SLC30A8: variants seen among roughly 807,000 people sequenced by gnomAD.
The protein encoded by SLC30A8 is proton-coupled zinc antiporter SLC30A8.
Under a neutral mutation model 36.9 loss-of-function variants are expected in SLC30A8, and 27 were observed. The observed-to-expected ratio is 0.73, with a 90% CI of 0.54 to 1.01. SLC30A8 has a LOEUF of 1.01. Ranked by LOEUF, SLC30A8 falls within the 50% of genes least tolerant of loss-of-function variation. The pLI is 0.00. For missense variants in SLC30A8, 439 were observed against 452.0 expected (o/e 0.97, Z 0.26); for synonymous variants, 164 against 172.4 (o/e 0.95, Z 0.38).
At chr8:117,046,421 A>G (rs887815597) in intron 2 of SLC30A8, among the ~76,000 whole-genome samples, 1 of 152,246 alleles carries the variant, frequency 6.6e-6, no homozygotes, top group Non-Finnish European at 1.5e-5. Flanking sequence ...ATACAAGTTA[A>G]GCCCTCAGTA....
intron 1 of SLC30A8, among the ~76,000 whole-genome samples, chr8:117,032,891 T>TAA (rs1178864382): frequency 1.4e-5 from 2 of 141,394 alleles, no homozygotes; most frequent in Admixed American, 7.1e-5. Context: ...ACTCTGTCTT[T>TAA]AAAAAAAAAA....
chr8:117,089,097 T>G (rs2130825852), intron 2 of SLC30A8, among the ~76,000 whole-genome samples: 1 of 152,342 alleles, frequency 6.6e-6, no homozygotes, highest in Admixed American at 6.5e-5. Flanking sequence ...TTGGGTAAAC[T>G]TCCATTTTAT....
At chr8:117,127,333 T>G (rs1820948267) in intron 2 of SLC30A8, among the ~76,000 whole-genome samples, 1 of 152,058 alleles carries the variant, frequency 6.6e-6, no homozygotes, top group African/African-American at 2.4e-5. Context: ...CCATTTCCTC[T>G]TATCTACTGA....
At chr8:117,110,713 G>A (rs780721817) in intron 2 of SLC30A8, among the ~76,000 whole-genome samples, 3 of 152,206 alleles carry the variant, frequency 2.0e-5, no homozygotes, top group Admixed American at 6.5e-5. Context: ...TGTGATGTAC[G>A]TGTATGTGTG....
chr8:117,114,164 T>C (rs1820345713), intron 2 of SLC30A8, among the ~76,000 whole-genome samples: 1 of 152,094 alleles, frequency 6.6e-6, no homozygotes, highest in Non-Finnish European at 1.5e-5. Flanking sequence ...CTCTTTTTCT[T>C]TCCAAACATT....
At chr8:117,053,674 G>A (rs1395930766) in intron 2 of SLC30A8, among the ~76,000 whole-genome samples, 1 of 152,174 alleles carries the variant, frequency 6.6e-6, no homozygotes, top group Non-Finnish European at 1.5e-5. Flanking sequence ...TGAAGCCAAA[G>A]TTTGCTACAT....
At chr8:117,047,265 C>T (rs747196531) in intron 2 of SLC30A8, among the ~76,000 whole-genome samples, 28 of 152,110 alleles carry the variant, frequency 1.8e-4, no homozygotes, top group South Asian at 4.1e-4. Flanking sequence ...TTGTGAGGGT[C>T]GCAGCCTTGT....
chr8:117,113,101 A>AC (rs1438709048), intron 2 of SLC30A8, among the ~76,000 whole-genome samples: 2 of 152,168 alleles, frequency 1.3e-5, no homozygotes, highest in Non-Finnish European at 2.9e-5. Context: ...TGGTGAGGGG[A>AC]CCAGGAGCAT....
intron 1 of SLC30A8, among the ~76,000 whole-genome samples, chr8:117,010,710 T>C (rs1269321010): frequency 1.3e-5 from 2 of 152,006 alleles, no homozygotes; most frequent in East Asian, 3.9e-4. Flanking sequence ...TTTCTGTGGG[T>C]TGTAAAGGAA....
At chr8:117,096,145 A>G (rs1375985026) in intron 2 of SLC30A8, among the ~76,000 whole-genome samples, 1 of 152,196 alleles carries the variant, frequency 6.6e-6, no homozygotes, top group African/African-American at 2.4e-5. Flanking sequence ...TCTCTGAGGC[A>G]CTGATGGGGT....
chr8:116,982,057 C>T (rs1353801247), intron 1 of SLC30A8, among the ~76,000 whole-genome samples: 1 of 152,158 alleles, frequency 6.6e-6, no homozygotes, highest in Non-Finnish European at 1.5e-5. Context: ...ATTCCCTTTT[C>T]TCTGCAACCT....
chr8:117,128,097 G>C (rs893709698), intron 2 of SLC30A8, among the ~76,000 whole-genome samples: 2 of 152,018 alleles, frequency 1.3e-5, no homozygotes, highest in Admixed American at 1.3e-4. Context: ...TTGTTGGGTT[G>C]AGCAATTACC....
intron 2 of SLC30A8, among the ~76,000 whole-genome samples, chr8:117,067,248 G>A (rs1818197682): frequency 6.6e-6 from 1 of 152,092 alleles, no homozygotes; most frequent in Non-Finnish European, 1.5e-5. Context: ...GGTGAGATTT[G>A]GGTGGGGACA....
intron 1 of SLC30A8, among the ~76,000 whole-genome samples, chr8:116,981,621 T>C (rs1815265748): frequency 6.6e-6 from 1 of 152,154 alleles, no homozygotes; most frequent in African/African-American, 2.4e-5. Flanking sequence ...TTTGTATGCA[T>C]ATGTACTAAA....
chr8:117,103,760 C>A (rs972514490), intron 2 of SLC30A8, among the ~76,000 whole-genome samples: 1 of 152,128 alleles, frequency 6.6e-6, no homozygotes, highest in Non-Finnish European at 1.5e-5. Flanking sequence ...TGAGCCACTG[C>A]GCCCAGCCAT....
chr8:117,105,233 G>A (rs955522699), intron 2 of SLC30A8, among the ~76,000 whole-genome samples: 9 of 152,014 alleles, frequency 5.9e-5, no homozygotes, highest in African/African-American at 2.2e-4. Flanking sequence ...TGGTTCAAAC[G>A]CCTCTGACAT....
intron 1 of SLC30A8, among the ~76,000 whole-genome samples, chr8:116,996,575 GTCTTTC>G (rs1444433271): frequency 6.6e-6 from 1 of 151,890 alleles, no homozygotes; most frequent in East Asian, 1.9e-4. Flanking sequence ...GTCTCTACTT[GTCTTTC>G]TCTTTCTCTC....
chr8:117,123,487 A>T (rs922627017), intron 2 of SLC30A8, among the ~76,000 whole-genome samples: 3 of 152,014 alleles, frequency 2.0e-5, no homozygotes, highest in Non-Finnish European at 4.4e-5. Context: ...TGGGAAAATG[A>T]TCATACTTCT....
At chr8:117,154,533 T>G (rs1822374189) in intron 3 of SLC30A8, among the ~76,000 whole-genome samples, 1 of 152,160 alleles carries the variant, frequency 6.6e-6, no homozygotes, top group Admixed American at 6.5e-5. Context: ...AAGTCCTAAT[T>G]TCATACTAAA....
Sources: allele counts gnomAD v4.1 joint callset (sites outside exome capture counted in the v4.1 genomes callset), GRCh38; gene constraint gnomAD v4.1.1; transcripts MANE v1.5; gene names NCBI Gene and HGNC (gene_info 2026-07-23, HGNC 2026-07-21).